The following ETS1 variants were observed in gnomAD, a reference collection of about 807,000 sequenced individuals.
ETS1 encodes the protein protein C-ets-1.
Under a neutral mutation model 58.6 loss-of-function variants are expected in ETS1, and 15 were observed. The ratio of observed to expected loss-of-function variants is 0.26; its 90% CI spans 0.17 to 0.39. The LOEUF is 0.39. ETS1 is among the 10% of genes least tolerant of loss of function. ETS1 has a pLI of 1.00. For synonymous variants in ETS1, 214 were observed against 218.2 expected (o/e 0.98, Z 0.17); for missense variants, 417 against 610.5 (o/e 0.68, Z 3.34).
At chr11:128,578,914 T>G (rs1166424684) in intron 1 of ETS1, among the ~76,000 whole-genome samples, 2 of 152,244 alleles carry the variant, frequency 1.3e-5, no homozygotes, top group African/African-American at 4.8e-5. Flanking sequence ...TCTTTGTCAT[T>G]ATAAAAATTC....
chr11:128,474,489 T>C (rs2135429267), intron 8 of ETS1, among the ~76,000 whole-genome samples: 1 of 152,250 alleles, frequency 6.6e-6, no homozygotes, highest in Admixed American at 6.5e-5. Flanking sequence ...ACTAATTAGA[T>C]AGGAGGCAGA....
chr11:128,560,203 C>T (rs1591662883), intron 2 of ETS1, among the ~76,000 whole-genome samples: 1 of 152,120 alleles, frequency 6.6e-6, no homozygotes, highest in African/African-American at 2.4e-5. Context: ...ACCTCCGCCT[C>T]CTGGCATCAA....
chr11:128,543,559 A>G (rs562124590), intron 3 of ETS1, among the ~76,000 whole-genome samples: 27 of 152,320 alleles, frequency 1.8e-4, no homozygotes, highest in African/African-American at 6.5e-4. Context: ...TTTTCATATC[A>G]GCATGCCCAG....
In ETS1 at chr11:128,489,358, C is replaced by T; in HGVS notation, c.467G>A (p.Cys156Tyr). ...GAALCALGKD[C>Y]FLELAPDFVG... Reference sequence around the variant, plus strand: ...AAAGTCTGGGGCCAGCTCGAGAAAGCAGTCTTTACCCAGGGCGCAGAGGGC... The same window carrying T: ...AAAGTCTGGGGCCAGCTCGAGAAAGTAGTCTTTACCCAGGGCGCAGAGGGC... Residue 156 changes from cysteine (C) to tyrosine (Y), a missense_variant, in exon 5 of 10, where the codon TGC (cysteine) becomes TAC (tyrosine). Physicochemically the swap from Cys to Tyr is radical, Grantham distance 194. This residue lies in a region of ETS1 where 132 missense variants were observed against 212.1 expected (regional missense o/e 0.62). Transcript: ENST00000392668. 1 of 1,614,218 alleles carries T rather than the reference C, an allele frequency of 6.2e-7. No individual in the cohort carries two copies. The highest frequency in any genetic ancestry group is 1.3e-5 in the African/African-American group (1 of 75,060).
At chr11:128,479,198 G>A (rs1862414015) in intron 8 of ETS1, among the ~76,000 whole-genome samples, 1 of 152,164 alleles carries the variant, frequency 6.6e-6, no homozygotes, top group Non-Finnish European at 1.5e-5. Flanking sequence ...AAGGATCAGA[G>A]AGACACCTCA....
chr11:128,537,225 G>A (rs11221336), intron 3 of ETS1, among the ~76,000 whole-genome samples: 2,182 of 152,156 alleles, frequency 0.014, 55 homozygotes, highest in African/African-American at 0.048. Flanking sequence ...GTCTTTAGTC[G>A]TCATTTGTTG....
chr11:128,536,183 T>C (rs1362766590), intron 3 of ETS1, among the ~76,000 whole-genome samples: 3 of 152,234 alleles, frequency 2.0e-5, no homozygotes, highest in African/African-American at 4.8e-5. Context: ...CATTTTTATA[T>C]AGATTTGTCT....
chr11:128,473,514 G>T (rs1862241408), intron 8 of ETS1, among the ~76,000 whole-genome samples: 1 of 152,244 alleles, frequency 6.6e-6, no homozygotes, highest in Non-Finnish European at 1.5e-5. Context: ...AGGTTACACA[G>T]CTGCTCACTG....
At chr11:128,552,582 T>C (rs1294750266) in intron 3 of ETS1, among the ~76,000 whole-genome samples, 1 of 152,234 alleles carries the variant, frequency 6.6e-6, no homozygotes, top group Non-Finnish European at 1.5e-5. Flanking sequence ...ATCCTTGAAA[T>C]GAAAAATAAT....
intron 3 of ETS1, among the ~76,000 whole-genome samples, chr11:128,518,145 G>C (rs1209113747): frequency 6.6e-6 from 1 of 152,176 alleles, no homozygotes; most frequent in Non-Finnish European, 1.5e-5. Context: ...CCAACAGTGA[G>C]AGCTGGACTT....
rs535503089 is a variant in ETS1, at chr11:128,561,611, G to A, written c.70-5176C>T. Among the ~76,000 whole-genome samples, 4 of 152,304 alleles carry A rather than the reference G, an allele frequency of 2.6e-5. No individual in the cohort carries two copies. The South Asian group carries it at 8.3e-4, about 32-fold the overall frequency. On this transcript the variant is annotated intron_variant, in intron 2 of 9. Transcript: ENST00000392668. ...GGGGAAGAGGAAATAAGAAATATTG[G>A]ATGTGTTTTAAAGGAAAAATCGACA...
At chr11:128,491,506 G>A (rs913099483) in intron 3 of ETS1, among the ~76,000 whole-genome samples, 8 of 152,200 alleles carry the variant, frequency 5.3e-5, no homozygotes, top group Non-Finnish European at 1.2e-4. Flanking sequence ...GAATTGTGAA[G>A]GATGCATGAG....
intron 3 of ETS1, among the ~76,000 whole-genome samples, chr11:128,548,062 GA>G (rs199996400): frequency 0.01 from 1,374 of 134,536 alleles, 25 homozygotes; most frequent in African/African-American, 0.035. Context: ...ATTCAATAGG[GA>G]AAAAAAGAGA....
At chr11:128,569,749 A>C (rs974429946) in intron 2 of ETS1, among the ~76,000 whole-genome samples, 1 of 152,198 alleles carries the variant, frequency 6.6e-6, no homozygotes, top group Non-Finnish European at 1.5e-5. Flanking sequence ...AAAAAATTAA[A>C]GGGCTTCTTT....
chr11:128,551,356 T>A lies in ETS1; in HGVS notation c.214+4935A>T, dbSNP rs555911229. 9.5e-4 allele frequency among the ~76,000 whole-genome samples: 145 copies of A among 152,318 alleles called. 1 individual carries two copies. In the Middle Eastern group the frequency reaches 0.014, roughly 14 times the overall value. Reference sequence around the variant, plus strand: ...TTTCCAAACACTGGCCCAGGTTTGATCTCTCCCAGCCGCTAGGCCATATGA... The same window carrying A: ...TTTCCAAACACTGGCCCAGGTTTGAACTCTCCCAGCCGCTAGGCCATATGA... On this transcript the variant is annotated intron_variant, in intron 3 of 9. Transcript: ENST00000392668.
intron 2 of ETS1, among the ~76,000 whole-genome samples, chr11:128,562,072 T>C (rs1161656185): frequency 1.3e-5 from 2 of 152,182 alleles, no homozygotes; most frequent in Non-Finnish European, 2.9e-5. Context: ...AGCAGAGCTT[T>C]AAGCACCAGG....
At chr11:128,503,166 AT>A (rs1028187248) in intron 3 of ETS1, among the ~76,000 whole-genome samples, 10 of 152,136 alleles carry the variant, frequency 6.6e-5, no homozygotes, top group East Asian at 3.9e-4. Context: ...TCTAAATAAG[AT>A]TTTTTTTCTC....
intron 4 of ETS1, among the ~76,000 whole-genome samples, chr11:128,489,758 G>T (rs142178923): frequency 6.6e-6 from 1 of 152,242 alleles, no homozygotes; most frequent in East Asian, 1.9e-4. Flanking sequence ...GTCCTTGCAG[G>T]CAAAGATTTC....
At position 128,489,483 on chromosome 11, in the gene ETS1, C is replaced by T. The variant is rs770395571; in HGVS notation, c.342G>A (p.Arg114=). The part of the protein sequence containing the change: ...QQRLGIPKDP[R]QWTETHVRDW... ...CCCGAACATGGGTTTCTGTCCACTG[C>T]CGGGGGTCTGAGGAAAGAGATCAGA... The change falls in exon 5 of 10, where the codon CGG becomes CGA. Residue 114 remains arginine, a synonymous_variant. Transcript: ENST00000392668. The T allele has an allele frequency of 1.2e-5, 20 of 1,613,462 alleles. No individual in the cohort carries two copies. The South Asian group carries it at 2.1e-4, about 17-fold the overall frequency.
Sources: gnomAD v4.1 joint callset for allele counts (sites outside exome capture counted in the v4.1 genomes callset) on GRCh38, gnomAD v4.1.1 for gene constraint, gnomAD v4.1.1 regional missense constraint, MANE v1.5 for transcripts, NCBI Gene and HGNC (gene_info 2026-07-23, HGNC 2026-07-21) for gene names.